COPB1: variants seen among roughly 807,000 people sequenced by gnomAD.
The protein encoded by COPB1 is coat protein complex I subunit beta 1.
A neutral mutation model predicts 108.7 loss-of-function variants in COPB1; 21 were observed. The observed-to-expected ratio is 0.19, with a 90% CI of 0.14 to 0.28. COPB1 has a LOEUF of 0.28. COPB1 is among the 10% of genes least tolerant of loss of function. The pLI is 1.00. For synonymous variants in COPB1, 378 were observed against 386.8 expected, an observed-to-expected ratio of 0.98 and a Z score of 0.27; for missense variants, 919 against 1,141.3, an observed-to-expected ratio of 0.81 and a Z score of 2.81.
chr11:14,464,251 C>A (rs1850227705), intron 18 of COPB1, among the ~76,000 whole-genome samples: 1 of 152,180 alleles, frequency 6.6e-6, no homozygotes, highest in Non-Finnish European at 1.5e-5. Context: ...AGCTTTTCTC[C>A]CAATCCCCCA....
chr11:14,482,163 A>G (rs967509182), intron 8 of COPB1, among the ~76,000 whole-genome samples: 3 of 152,170 alleles, frequency 2.0e-5, no homozygotes, highest in Non-Finnish European at 2.9e-5. Context: ...TTATATAACC[A>G]CATTATAATT....
chr11:14,469,672 T>G (rs1850360977), intron 14 of COPB1, 109 bp from the exon 15 acceptor site: 4 of 941,174 alleles, frequency 4.3e-6, no homozygotes, highest in Non-Finnish European at 6.4e-6. Flanking sequence ...TGAATAAGAT[T>G]TCAAATTCTT....
intron 7 of COPB1, among the ~76,000 whole-genome samples, chr11:14,483,502 A>G (rs1353030541): frequency 6.6e-6 from 1 of 152,228 alleles, no homozygotes; most frequent in East Asian, 1.9e-4. Context: ...AAGAATCCCA[A>G]GAAGTACATC....
chr11:14,470,568 C>A (rs895481724), intron 14 of COPB1, among the ~76,000 whole-genome samples: 2 of 152,114 alleles, frequency 1.3e-5, no homozygotes, highest in Non-Finnish European at 2.9e-5. Context: ...ATGCTCTAAG[C>A]CCTTGCCAAA....
chr11:14,469,247 T>C (rs1015103854), intron 15 of COPB1, 89 bp downstream of exon 15: 27 of 1,099,176 alleles, frequency 2.5e-5, no homozygotes, highest in Non-Finnish European at 3.7e-5. Flanking sequence ...TCCTCCTGCC[T>C]CAGCCTCCCA....
At chr11:14,493,576 G>A (rs1850956833) in intron 4 of COPB1, 66 bp downstream of exon 4, 1 of 1,364,226 alleles carries the variant, frequency 7.3e-7, no homozygotes, top group Non-Finnish European at 9.8e-7. Context: ...CAACCACTTT[G>A]GAACCACTAG....
At chr11:14,486,179 T>C (rs926162689) in intron 7 of COPB1, among the ~76,000 whole-genome samples, 188 bp downstream of exon 7, 1 of 152,142 alleles carries the variant, frequency 6.6e-6, no homozygotes, top group African/African-American at 2.4e-5. Context: ...TCTATATATG[T>C]GTGTATGAAA....
chr11:14,486,232 T>C, intron 7 of COPB1, 135 bp downstream of exon 7: 2 of 1,015,564 alleles, frequency 2.0e-6, no homozygotes, highest in Non-Finnish European at 2.9e-6. Flanking sequence ...ATGTAAGGCA[T>C]CAAATAATTT....
At chr11:14,457,956 G>C in intron 21 of COPB1, 73 bp from the exon 22 acceptor site, 1 of 864,604 alleles carries the variant, frequency 1.2e-6, no homozygotes, top group South Asian at 1.9e-5. Context: ...ATATTATTAA[G>C]CCCCAATTCA....
At chr11:14,483,519 G>C (rs1201099180) in intron 7 of COPB1, among the ~76,000 whole-genome samples, 1 of 152,112 alleles carries the variant, frequency 6.6e-6, no homozygotes, top group East Asian at 1.9e-4. Flanking sequence ...CATCGATTAA[G>C]CATATTTCAG....
At chr11:14,470,335 T>C (rs1850372268) in intron 14 of COPB1, among the ~76,000 whole-genome samples, 1 of 152,200 alleles carries the variant, frequency 6.6e-6, no homozygotes, top group Admixed American at 6.5e-5. Context: ...CATCACAAGG[T>C]ACCTAAAGTT....
At chr11:14,488,206 T>C (rs565657207) in intron 6 of COPB1, among the ~76,000 whole-genome samples, 2 of 152,322 alleles carry the variant, frequency 1.3e-5, no homozygotes, top group African/African-American at 2.4e-5. Flanking sequence ...TATAATCTAT[T>C]CAGTGACTGG....
chr11:14,482,970 G>A (rs901721754), intron 8 of COPB1, 62 bp downstream of exon 8: 12 of 1,422,526 alleles, frequency 8.4e-6, no homozygotes, highest in Middle Eastern at 1.9e-4. Context: ...GGCAAAGCTT[G>A]AGAATGACCT....
intron 10 of COPB1, 60 bp downstream of exon 10, chr11:14,480,693 AATAACT>A: frequency 2.0e-6 from 3 of 1,486,410 alleles, no homozygotes; most frequent in Non-Finnish European, 2.7e-6. Flanking sequence ...GAGTTTGTCA[AATAACT>A]ATATTTTTTA....
Position 14,490,614 on chromosome 11 carries a change from T to C in COPB1, c.557A>G (p.Asp186Gly), listed in dbSNP as rs1459605818. ...LIHDFLVNEK[D>G]ASCKRNAFMM... ...AAATGCATTCCTTTTGCAACTTGCA[T>C]CCTTCTCATTCACCAGAAAATCATG... Residue 186 changes from aspartate to glycine, a missense_variant, in exon 5 of 22, where the codon GAT (aspartate) becomes GGT (glycine). By Grantham distance (94) the Asp-to-Gly change is moderately conservative. Coordinates refer to ENST00000439561, the MANE Select transcript of COPB1 (RefSeq NM_001144061.2). 3 of 1,613,356 alleles carry C rather than the reference T, an allele frequency of 1.9e-6. No homozygotes were observed. The highest frequency in any genetic ancestry group is 2.2e-5 in the South Asian group (2 of 90,984).
rs1850971879 is a variant in COPB1 at position 14,494,389 on chromosome 11, T to C, written c.142A>G (p.Met48Val). 2.5e-6 allele frequency: 4 copies of C among 1,611,940 alleles called. No individual in the cohort carries two copies. Among genetic ancestry groups the C allele is most frequent in the Non-Finnish European group, 3.4e-6 (4 of 1,178,592 alleles). Reference sequence around the variant, plus strand: ...GGAAGTTTTTCACCATTCAGAATCATAATGATTACTTTCTTCAAAGCTTCA... The same window carrying C: ...GGAAGTTTTTCACCATTCAGAATCACAATGATTACTTTCTTCAAAGCTTCA... ...KTEALKKVII[M>V]ILNGEKLPGL... The change falls in exon 3 of 22, where the codon ATG becomes GTG. Residue 48 changes from methionine (M) to valine (V), a missense_variant. Met to Val is a conservative substitution (Grantham distance 21). Coordinates refer to ENST00000439561, the MANE Select transcript of COPB1 (RefSeq NM_001144061.2).
At chr11:14,472,537 A>T (rs555406331) in intron 14 of COPB1, among the ~76,000 whole-genome samples, 1 of 152,342 alleles carries the variant, frequency 6.6e-6, no homozygotes, top group South Asian at 2.1e-4. Flanking sequence ...CAAAAGAGTC[A>T]GCCTATCCTT....
At position 14,468,856 on chromosome 11, in the gene COPB1, T is replaced by C. The variant is rs1446778515; in HGVS notation, c.1970A>G (p.Glu657Gly). The stretch of plus-strand genomic sequence containing the variant: ...TACTGTCACATTCCTCTTTTCAGAT[T>C]CTTTCTGTGTTGAGAATATAACAAA... Reference protein sequence around the residue: ...LEEEKLSQKKESEKRNVTVQP... With the variant: ...LEEEKLSQKKGSEKRNVTVQP... Residue 657 changes from glutamate to glycine, a missense_variant, in exon 16 of 22, where the codon GAA becomes GGA. Glu to Gly is a moderately conservative substitution (Grantham distance 98). This residue lies in a region of COPB1 where 705 missense variants were observed against 817.8 expected (regional missense o/e 0.86). Transcript: ENST00000439561. 1 of 1,613,286 alleles carries C rather than the reference T, an allele frequency of 6.2e-7. No homozygotes were observed. The highest frequency in any genetic ancestry group is 1.1e-5 in the South Asian group (1 of 90,956).
At chr11:14,474,734 T>C in intron 13 of COPB1, 119 bp from the exon 14 acceptor site, 1 of 1,374,344 alleles carries the variant, frequency 7.3e-7, no homozygotes, top group Non-Finnish European at 9.7e-7. Context: ...GTGATAAGGA[T>C]ACCTTAGCTA....
Sources: allele counts gnomAD v4.1 joint callset (sites outside exome capture counted in the v4.1 genomes callset), GRCh38; gene constraint gnomAD v4.1.1; regional missense constraint gnomAD v4.1.1; transcripts MANE v1.5; gene names NCBI Gene and HGNC (gene_info 2026-07-23, HGNC 2026-07-21).